GRM7: variants seen among roughly 807,000 people sequenced by gnomAD.
The protein encoded by GRM7 is metabotropic glutamate receptor 7.
Under a neutral mutation model 84.5 loss-of-function variants are expected in GRM7, and 35 were observed. That is an observed-to-expected ratio of 0.41 (90% CI 0.32 to 0.55). The LOEUF is 0.55. Among genes scored for constraint, GRM7 ranks in the 20% least tolerant of loss-of-function variants. The pLI is 0.19. For missense variants in GRM7, 1,003 were observed against 1,194.6 expected, an observed-to-expected ratio of 0.84 and a Z score of 2.36; for synonymous variants, 487 against 455.1, an observed-to-expected ratio of 1.07 and a Z score of -0.89.
chr3:6,977,363 G>T (rs1251204145), intron 1 of GRM7, among the ~76,000 whole-genome samples: 1 of 151,940 alleles, frequency 6.6e-6, no homozygotes, highest in Non-Finnish European at 1.5e-5. Flanking sequence ...GTGTGTGTTT[G>T]TCTGTGTGTG....
intron 2 of GRM7, among the ~76,000 whole-genome samples, chr3:7,226,233 G>A (rs1055907760): frequency 6.6e-6 from 1 of 152,168 alleles, no homozygotes; most frequent in African/African-American, 2.4e-5. Flanking sequence ...TTATAGGTCA[G>A]AATTCAAGGC....
chr3:7,097,224 T>C (rs1054693187), intron 1 of GRM7, among the ~76,000 whole-genome samples: 16 of 152,028 alleles, frequency 1.1e-4, no homozygotes, highest in Admixed American at 3.9e-4. Flanking sequence ...ACTACTTAAA[T>C]TGATAATCTA....
At chr3:7,253,545 AG>A (rs1345575710) in intron 2 of GRM7, among the ~76,000 whole-genome samples, 7 of 149,602 alleles carry the variant, frequency 4.7e-5, no homozygotes, top group Non-Finnish European at 3.0e-5. Flanking sequence ...TGAACCCAGG[AG>A]GCAGAGGTTG....
rs55868423 is a variant in GRM7, at chr3:7,512,586, ATTTT to A, written c.1515+50878_1515+50881del. Among the ~76,000 whole-genome samples the A allele has an allele frequency of 1.9e-3, 270 of 145,258 alleles. 1 individual carries two copies. The highest frequency in any genetic ancestry group is 6.2e-3 in the African/African-American group (244 of 39,552). ...GATCTTGTTTATGTTTTTGTTTTAG[ATTTT>A]TTTTTTTTTTTTTGAGCATTAGAGA... On this transcript the variant is annotated intron_variant, in intron 7 of 9. Coordinates refer to ENST00000357716, the MANE Select transcript of GRM7 (RefSeq NM_000844.4).
At chr3:7,082,817 A>G (rs2124999268) in intron 1 of GRM7, among the ~76,000 whole-genome samples, 1 of 152,220 alleles carries the variant, frequency 6.6e-6, no homozygotes, top group Non-Finnish European at 1.5e-5. Flanking sequence ...GAAAAAGTGA[A>G]CTGCAGATGT....
intron 6 of GRM7, among the ~76,000 whole-genome samples, chr3:7,455,300 T>C (rs1022018653): frequency 6.6e-6 from 1 of 152,150 alleles, no homozygotes; most frequent in African/African-American, 2.4e-5. Context: ...GCAAGAATCA[T>C]GGGATGCTAA....
intron 6 of GRM7, among the ~76,000 whole-genome samples, chr3:7,458,804 C>T (rs1698124889): frequency 6.6e-6 from 1 of 152,038 alleles, no homozygotes; most frequent in African/African-American, 2.4e-5. Context: ...TATAGAATTA[C>T]AGTAAAGCAC....
At chr3:7,324,705 C>G (rs1403825910) in intron 4 of GRM7, among the ~76,000 whole-genome samples, 5 of 152,104 alleles carry the variant, frequency 3.3e-5, no homozygotes, top group Admixed American at 2.6e-4. Context: ...ATTCTGGCAT[C>G]TCGACTTCAT....
At chr3:7,182,901 T>TG (rs1297437614) in intron 2 of GRM7, among the ~76,000 whole-genome samples, 1 of 151,232 alleles carries the variant, frequency 6.6e-6, no homozygotes, top group Admixed American at 6.6e-5. Context: ...AAAGTGTTTT[T>TG]TTTTTTTTTT....
At chr3:7,690,340 A>G (rs1364583526) in intron 9 of GRM7, among the ~76,000 whole-genome samples, 1 of 152,196 alleles carries the variant, frequency 6.6e-6, no homozygotes, top group East Asian at 1.9e-4. Flanking sequence ...CCTGTTACCT[A>G]GAACTCGGTA....
At chr3:7,700,725 G>A (rs3828422) in intron 9 of GRM7, among the ~76,000 whole-genome samples, 10,147 of 152,178 alleles carry the variant, frequency 0.067, 733 homozygotes, top group African/African-American at 0.18. Flanking sequence ...CTGATGAAAG[G>A]CATTGAAAGA....
intron 1 of GRM7, among the ~76,000 whole-genome samples, chr3:7,110,412 C>T (rs1229788012): frequency 2.0e-5 from 3 of 151,876 alleles, no homozygotes; most frequent in African/African-American, 7.3e-5. Context: ...ACCAGCCTGG[C>T]CAACATGGTG....
chr3:7,225,241 CT>C (rs1303040066), intron 2 of GRM7, among the ~76,000 whole-genome samples: 1 of 151,260 alleles, frequency 6.6e-6, no homozygotes, highest in African/African-American at 2.4e-5. Flanking sequence ...TTTCAAATTG[CT>C]TTTTTAAAGA....
intron 8 of GRM7, among the ~76,000 whole-genome samples, chr3:7,644,456 T>C (rs1281007270): frequency 6.6e-6 from 1 of 152,224 alleles, no homozygotes; most frequent in Non-Finnish European, 1.5e-5. Flanking sequence ...ATTTGATGTA[T>C]ATTATGTTAG....
At chr3:7,396,551 G>A (rs1273229097) in intron 4 of GRM7, among the ~76,000 whole-genome samples, 1 of 152,050 alleles carries the variant, frequency 6.6e-6, no homozygotes, top group East Asian at 1.9e-4. Flanking sequence ...TATTATTTTA[G>A]TATGACTGCC....
intron 1 of GRM7, among the ~76,000 whole-genome samples, chr3:6,866,632 A>G (rs1181608550): frequency 3.9e-5 from 6 of 152,208 alleles, no homozygotes; most frequent in Admixed American, 3.9e-4. Flanking sequence ...CTGAATGATC[A>G]TAAGACACAA....
At chr3:7,446,464 G>GTTTTTTTTTTTTTTTTTTTTT (rs370257829) in intron 5 of GRM7, among the ~76,000 whole-genome samples, 1 of 130,572 alleles carries the variant, frequency 7.7e-6, no homozygotes, top group East Asian at 2.4e-4. Context: ...TTTTTTTTTT[G>GTTTTTTTTTTTTTTTTTTTTT]TTTTTTTTTT....
intron 1 of GRM7, among the ~76,000 whole-genome samples, chr3:7,094,526 C>T (rs1459583694): frequency 1.3e-5 from 2 of 152,150 alleles, no homozygotes; most frequent in African/African-American, 4.8e-5. Context: ...GCTTGAGATA[C>T]GTTACCTACT....
intron 8 of GRM7, among the ~76,000 whole-genome samples, chr3:7,630,590 A>G (rs1164013064): frequency 6.6e-6 from 1 of 152,206 alleles, no homozygotes; most frequent in Non-Finnish European, 1.5e-5. Flanking sequence ...TGGGGAAGAC[A>G]GGTTTGGCTT....
Sources: gnomAD v4.1 joint callset for allele counts (sites outside exome capture counted in the v4.1 genomes callset) on GRCh38, gnomAD v4.1.1 for gene constraint, MANE v1.5 for transcripts, NCBI Gene and HGNC (gene_info 2026-07-23, HGNC 2026-07-21) for gene names.